Variants in EPS8 observed in about 807,000 individuals in gnomAD.
EPS8 encodes epidermal growth factor receptor kinase substrate 8.
A neutral mutation model predicts 103.8 loss-of-function variants in EPS8; 42 were observed. The ratio of observed to expected loss-of-function variants is 0.40; its 90% CI spans 0.32 to 0.52. The LOEUF is 0.52. Ranked by LOEUF, EPS8 falls within the 20% of genes least tolerant of loss-of-function variation. The probability of loss-of-function intolerance (pLI) is 0.40; values close to 1 mark genes in which losing one functional copy is unlikely to be tolerated. For missense variants in EPS8, 969 were observed against 1,005.1 expected (o/e 0.96, Z 0.49); for synonymous variants, 344 against 344.6 (o/e 1.00, Z 0.02).
Position 15,637,257 on chromosome 12 carries a change from G to A in EPS8, c.1821+3446C>T, listed in dbSNP as rs1434451992. Among the ~76,000 whole-genome samples, 2 of 152,246 alleles carry A rather than the reference G, an allele frequency of 1.3e-5. 1 individual carries two copies. Among genetic ancestry groups the A allele is most frequent in the Non-Finnish European group, 2.9e-5 (2 of 68,044 alleles). ...GCTGGTCTCAAACTCCTCACCTCAAGTGATCTGCCTGCCTCGGCCTCCCAA... is the reference window on the plus strand; with the variant it reads ...GCTGGTCTCAAACTCCTCACCTCAAATGATCTGCCTGCCTCGGCCTCCCAA... On this transcript the variant is annotated intron_variant, in intron 17 of 20. Coordinates refer to ENST00000281172, the MANE Select transcript of EPS8 (RefSeq NM_004447.6).
chr12:15,624,537 A>C, intron 18 of EPS8, 130 bp from the exon 19 acceptor site: 2 of 610,034 alleles, frequency 3.3e-6, no homozygotes, highest in Non-Finnish European at 5.5e-6. Flanking sequence ...ATCTTTCCTC[A>C]CTTTTATCCT....
In EPS8 at chr12:15,733,110, T is replaced by C. The variant is rs899525301; in HGVS notation, c.-21-50138A>G. ...ACTGGAAAGAAATATAATGTATTCGTCCATTTTCACACTGCTATAAAGATA... is the reference window on the plus strand; with the variant it reads ...ACTGGAAAGAAATATAATGTATTCGCCCATTTTCACACTGCTATAAAGATA... On this transcript the variant is annotated intron_variant, in intron 1 of 20. Coordinates refer to ENST00000281172, the MANE Select transcript of EPS8 (RefSeq NM_004447.6). The surrounding 1 kb of genome is among the most constrained non-coding windows in gnomAD (Gnocchi z 4.8). 6.6e-6 allele frequency among the ~76,000 whole-genome samples: 1 copy of C among 152,148 alleles called. No homozygotes were observed. The highest frequency in any genetic ancestry group is 2.4e-5 in the African/African-American group (1 of 41,430).
rs565011481 is a variant in EPS8, at chr12:15,752,275, G to A, written c.-22+36886C>T. Among the ~76,000 whole-genome samples, 3 of 151,984 alleles carry A rather than the reference G, an allele frequency of 2.0e-5. No individual in the cohort carries two copies. The highest frequency in any genetic ancestry group is 4.2e-4 in the South Asian group (2 of 4,814). Reference sequence around the variant, plus strand: ...ATCCTGGCTAACATGGTGAAACCCCGTTTCTACTAAAAATACAAAAAATTA... The same window carrying A: ...ATCCTGGCTAACATGGTGAAACCCCATTTCTACTAAAAATACAAAAAATTA... On this transcript the variant is annotated intron_variant, in intron 1 of 20. Coordinates refer to ENST00000281172, the MANE Select transcript of EPS8 (RefSeq NM_004447.6). The surrounding 1 kb of genome is among the most constrained non-coding windows in gnomAD (Gnocchi z 4.4).
At chr12:15,754,977 ACC>A (rs1946970856) in intron 1 of EPS8, among the ~76,000 whole-genome samples, 1 of 152,142 alleles carries the variant, frequency 6.6e-6, no homozygotes, top group Admixed American at 6.5e-5. Context: ...TGAAGCCTAA[ACC>A]TTGCGACTGC....
intron 3 of EPS8, chr12:15,672,604 T>A: frequency 2.5e-6 from 1 of 394,208 alleles, no homozygotes. Context: ...GACTGTATTC[T>A]ACATATTTTT....
chr12:15,648,746 C>T (rs971158814), intron 14 of EPS8, among the ~76,000 whole-genome samples: 2 of 152,194 alleles, frequency 1.3e-5, no homozygotes, highest in African/African-American at 4.8e-5. Context: ...AGAGCAACTG[C>T]GAATACTGAA....
At chr12:15,681,131 T>C (rs902447238) in intron 3 of EPS8, 95 bp downstream of exon 3, 1 of 499,090 alleles carries the variant, frequency 2.0e-6, no homozygotes, top group Non-Finnish European at 3.5e-6. Context: ...TTCCAAACAA[T>C]ATTAAATGTG....
chr12:15,753,826 T>A (rs1181533791), intron 1 of EPS8, among the ~76,000 whole-genome samples: 1 of 152,252 alleles, frequency 6.6e-6, no homozygotes, highest in Non-Finnish European at 1.5e-5. Context: ...GATACTTTCA[T>A]ACTACCAATA....
chr12:15,656,164 A>C (rs1945504726), intron 12 of EPS8, among the ~76,000 whole-genome samples: 1 of 152,196 alleles, frequency 6.6e-6, no homozygotes, highest in Non-Finnish European at 1.5e-5. Flanking sequence ...TGTGTGAAAT[A>C]AATAAGAGGA....
chr12:15,705,979 G>C (rs1256053214), intron 1 of EPS8, among the ~76,000 whole-genome samples: 3 of 151,524 alleles, frequency 2.0e-5, no homozygotes, highest in African/African-American at 7.3e-5. Context: ...TGTACAATCA[G>C]AGGCACATGT....
rs201110716 is a variant in EPS8, at chr12:15,641,805, G to T, written c.1594C>A (p.Pro532Thr). 1.3e-6 allele frequency: 2 copies of T among 1,593,144 alleles called. No homozygotes were observed. Among genetic ancestry groups the T allele is most frequent in the Admixed American group, 1.7e-5 (1 of 58,756 alleles). Residue 532 changes from proline (P) to threonine (T), a missense_variant, in exon 16 of 21, where the codon CCC (proline) becomes ACC (threonine). Coordinates refer to ENST00000281172, the MANE Select transcript of EPS8 (RefSeq NM_004447.6). ...DRNYEPLKTQPKKYAKSKYDF... is the reference protein window; with the variant it reads ...DRNYEPLKTQTKKYAKSKYDF... ...TACTTGGATTTGGCATATTTCTTGGGTTGTGTTTTGAGTGGTTCATAATTT... is the reference window on the plus strand; with the variant it reads ...TACTTGGATTTGGCATATTTCTTGGTTTGTGTTTTGAGTGGTTCATAATTT...
chr12:15,665,807 C>A lies in EPS8; in HGVS notation c.685G>T (p.Val229Phe). ...APPGTVTQVD[V>F]RSRVAAWSAW... is the part of the protein sequence containing the mutation. ...GACCAGGCTGCCACTCGACTTCTAA[C>A]ATCCACCTGGGTGACGGTCCCAGGG... The change falls in exon 8 of 21, where the codon GTT becomes TTT. Residue 229 changes from valine to phenylalanine, a missense_variant. By Grantham distance (50) the Val-to-Phe change is conservative. Transcript: ENST00000281172. The A allele has an allele frequency of 6.2e-7, 1 of 1,613,880 alleles. No individual in the cohort carries two copies.
rs1377402640 is a variant in EPS8, at chr12:15,748,811, C to A, written c.-22+40350G>T. On this transcript the variant is annotated intron_variant, in intron 1 of 20. Coordinates refer to ENST00000281172, the MANE Select transcript of EPS8 (RefSeq NM_004447.6). The surrounding 1 kb of genome is among the most constrained non-coding windows in gnomAD (Gnocchi z 4.8). ...TATCCTCCTGAAAGGGCGAAAACATCCATTGCCTAGCCCCGCCTCACCAAA... is the reference window on the plus strand; with the variant it reads ...TATCCTCCTGAAAGGGCGAAAACATACATTGCCTAGCCCCGCCTCACCAAA... Among the ~76,000 whole-genome samples the A allele has an allele frequency of 6.6e-6, 1 of 152,110 alleles. No homozygotes were observed. Among genetic ancestry groups the A allele is most frequent in the East Asian group, 1.9e-4 (1 of 5,204 alleles).
At chr12:15,657,741 TGTGA>T (rs541044829) in intron 12 of EPS8, among the ~76,000 whole-genome samples, 3 of 152,316 alleles carry the variant, frequency 2.0e-5, no homozygotes, top group South Asian at 4.1e-4. Context: ...ATGATTATTT[TGTGA>T]GAATGAGAAA....
At chr12:15,666,645 T>C (rs751468573) in intron 6 of EPS8, 123 bp from the exon 7 acceptor site, 13 of 660,444 alleles carry the variant, frequency 2.0e-5, no homozygotes, top group Admixed American at 3.1e-5. Context: ...TAAAAAGTCT[T>C]TTTATAAAAA....
intron 7 of EPS8, 85 bp downstream of exon 7, chr12:15,666,355 T>A: frequency 1.0e-6 from 1 of 975,904 alleles, no homozygotes; most frequent in South Asian, 1.5e-5. Flanking sequence ...TATACTTCCA[T>A]AGAAAATAAT....
intron 17 of EPS8, 89 bp downstream of exon 17, chr12:15,640,614 A>T: frequency 8.5e-7 from 1 of 1,170,038 alleles, no homozygotes; most frequent in South Asian, 1.8e-5. Context: ...TCTCAAAATG[A>T]TCAATACACA....
intron 1 of EPS8, among the ~76,000 whole-genome samples, chr12:15,737,839 A>C (rs1200060656): frequency 1.3e-5 from 2 of 151,880 alleles, no homozygotes; most frequent in Non-Finnish European, 2.9e-5. Context: ...ATTATTTTCC[A>C]TTTTTGCTCA....
Position 15,647,108 on chromosome 12 carries a change from G to C in EPS8, c.1568+19C>G. On this transcript the variant is annotated intron_variant, in intron 15 of 20. Coordinates refer to ENST00000281172, the MANE Select transcript of EPS8 (RefSeq NM_004447.6). ...GACATTTATCCACAGCTCTCCAAAG[G>C]GTGCCCATTAAATGTTACCTATCTA... 6.2e-7 allele frequency: 1 copy of C among 1,608,284 alleles called. No individual in the cohort carries two copies. Among genetic ancestry groups the C allele is most frequent in the Non-Finnish European group, 8.5e-7 (1 of 1,177,158 alleles).
Sources: gnomAD v4.1 joint callset for allele counts (sites outside exome capture counted in the v4.1 genomes callset) on GRCh38, gnomAD v4.1.1 for gene constraint, Gnocchi (gnomAD v3.1) non-coding constraint, MANE v1.5 for transcripts, NCBI Gene and HGNC (gene_info 2026-07-23, HGNC 2026-07-21) for gene names.